The following AKAP12 variants were observed in gnomAD, a reference collection of about 807,000 sequenced individuals.
AKAP12 encodes A-kinase anchoring protein 12.
A neutral mutation model predicts 79.9 loss-of-function variants in AKAP12; 32 were observed. That is an observed-to-expected ratio of 0.40 (90% confidence interval 0.30 to 0.54). The LOEUF (loss-of-function observed/expected upper bound fraction) is 0.54, where lower values mean the gene tolerates loss of function less well. Ranked by LOEUF, AKAP12 falls within the 20% of genes least tolerant of loss-of-function variation. The pLI is 0.48. For missense variants in AKAP12, 2,074 were observed against 2,177.0 expected (o/e 0.95, Z 0.94); for synonymous variants, 808 against 857.0 (o/e 0.94, Z 1.00).
rs55685824 is a variant in AKAP12 at position 151,312,793 on chromosome 6, C to CAAAAAAAAAAAAAAAAAAA, written c.319+6908_319+6909insAAAAAAAAAAAAAAAAAAA. ...GGCTACAAGAGGGAGACTCTGTCTC[C>CAAAAAAAAAAAAAAAAAAA]AAAAAAAAAAAAAAAAAAGAATCAT... On this transcript the variant is annotated intron_variant, in intron 3 of 4. Transcript: ENST00000402676. Among the ~76,000 whole-genome samples the CAAAAAAAAAAAAAAAAAAA allele has an allele frequency of 2.5e-3, 180 of 72,936 alleles. 4 individuals are homozygous for CAAAAAAAAAAAAAAAAAAA. The highest frequency in any genetic ancestry group is 0.01 in the Middle Eastern group (1 of 100). The allele number at this position is 72,936 out of a possible 152,430, so 47.8% of individuals were successfully genotyped here.
intron 2 of AKAP12, among the ~76,000 whole-genome samples, chr6:151,279,705 G>A (rs977481028): frequency 6.6e-6 from 1 of 151,786 alleles, no homozygotes; most frequent in African/African-American, 2.4e-5. Flanking sequence ...AAAAGCCGGC[G>A]AGGTGGCAGG....
At chr6:151,355,363 C>T (rs1195396746) in intron 4 of AKAP12, among the ~76,000 whole-genome samples, 1 of 151,696 alleles carries the variant, frequency 6.6e-6, no homozygotes, top group Non-Finnish European at 1.5e-5. Context: ...AGTGCAGTGG[C>T]ACAATCTCAG....
Position 151,332,784 on chromosome 6 carries a change from A to C in AKAP12, c.320-15927A>C, listed in dbSNP as rs909621579. 4.7e-4 allele frequency among the ~76,000 whole-genome samples: 72 copies of C among 152,274 alleles called. No individual in the cohort carries two copies. In the Middle Eastern group the frequency reaches 0.01, roughly 22 times the overall value. ...GGCTCCAGAGGCTTCTACGGGGGAC[A>C]CACCGACCACTCCCTTTAACATTTT... On this transcript the variant is annotated intron_variant, in intron 3 of 4. Coordinates refer to ENST00000402676, the MANE Select transcript of AKAP12 (RefSeq NM_005100.4).
chr6:151,344,275 G>A (rs1778026882), intron 3 of AKAP12, among the ~76,000 whole-genome samples: 1 of 152,184 alleles, frequency 6.6e-6, no homozygotes, highest in Non-Finnish European at 1.5e-5. Context: ...GAGCCTTGCT[G>A]ATTATCGAAG....
At chr6:151,280,038 GT>G (rs67349756) in intron 2 of AKAP12, among the ~76,000 whole-genome samples, 14,136 of 145,762 alleles carry the variant, frequency 0.097, 808 homozygotes, top group East Asian at 0.18. Context: ...TTCGGTTGTT[GT>G]TTTTTTTTTT....
chr6:151,240,501 G>A lies in AKAP12; in HGVS notation c.-62G>A. On this transcript the variant is annotated 5_prime_UTR_variant, in exon 2 of 5. Transcript: ENST00000402676. The stretch of plus-strand genomic sequence containing the variant: ...CGCGCGTCTTTTGGCTCTTGCCCCT[G>A]TCCCTGCGGCTTGGGGAAGGCGTAA... 1 of 1,366,306 alleles carries A rather than the reference G, an allele frequency of 7.3e-7. No homozygotes were observed. Among genetic ancestry groups the A allele is most frequent in the Non-Finnish European group, 9.4e-7 (1 of 1,066,152 alleles). 84.6% of individuals were successfully genotyped at this position (1,366,306 alleles called of 1,614,324 possible).
intron 3 of AKAP12, chr6:151,324,285 A>G: frequency 1.0e-6 from 1 of 985,348 alleles, no homozygotes; most frequent in Non-Finnish European, 1.2e-6. Flanking sequence ...CAGGCCGGGT[A>G]TTTGCCAGGA....
At chr6:151,240,278 AGGGCGTGTCTGGGGCTGT>A in intron 1 of AKAP12, 88 bp from the exon 2 acceptor site, 1 of 268,712 alleles carries the variant, frequency 3.7e-6, no homozygotes. Flanking sequence ...ATGCTGCTGC[AGGGCGTGTCTGGGGCTGT>A]GCTCATGTGA....
chr6:151,296,548 G>A (rs997913408), intron 2 of AKAP12, among the ~76,000 whole-genome samples: 2 of 152,202 alleles, frequency 1.3e-5, no homozygotes, highest in African/African-American at 4.8e-5. Context: ...AGGCTGAGGT[G>A]GGCGGATCAC....
At chr6:151,282,052 C>T (rs1457463347) in intron 2 of AKAP12, among the ~76,000 whole-genome samples, 4 of 151,462 alleles carry the variant, frequency 2.6e-5, no homozygotes, top group Non-Finnish European at 5.9e-5. Flanking sequence ...GTCCTCTTCC[C>T]CCTCCTGTTC....
intron 2 of AKAP12, among the ~76,000 whole-genome samples, chr6:151,251,385 C>G (rs533489039): frequency 6.6e-6 from 1 of 152,252 alleles, no homozygotes; most frequent in South Asian, 2.1e-4. Flanking sequence ...GGAAGTGTGA[C>G]TAGAAAGGGT....
In AKAP12 at chr6:151,262,613, A is replaced by G. The variant is rs368284082; in HGVS notation, c.162+21889A>G. ...TTCAAGTTCAAACACTTGAAGTTCA[A>G]AAACTTCAAGTTCAAACACTTCATT... On this transcript the variant is annotated intron_variant, in intron 2 of 4. Transcript: ENST00000402676. Among the ~76,000 whole-genome samples the G allele has an allele frequency of 3.5e-3, 393 of 112,542 alleles. 2 individuals are homozygous for G. Among genetic ancestry groups the G allele is most frequent in the African/African-American group, 0.013 (373 of 28,282 alleles). The allele number at this position is 112,542 out of a possible 152,430, so 73.8% of individuals were successfully genotyped here.
At chr6:151,353,950 A>G (rs1307502514) in intron 4 of AKAP12, among the ~76,000 whole-genome samples, 198 bp downstream of exon 4, 1 of 152,134 alleles carries the variant, frequency 6.6e-6, no homozygotes, top group Non-Finnish European at 1.5e-5. Context: ...AGTCTTATCG[A>G]TGTTATGAAA....
rs767241896 is a variant in AKAP12, at chr6:151,358,276, C to T, written c.*2562C>T. On this transcript the variant is annotated 3_prime_UTR_variant, in exon 5 of 5. Coordinates refer to ENST00000402676, the MANE Select transcript of AKAP12 (RefSeq NM_005100.4). Reference sequence around the variant, plus strand: ...AAGCAATGCAAGACTTGTAAACTCTCACCACTTCTTGTAATATCAAATGTT... The same window carrying T: ...AAGCAATGCAAGACTTGTAAACTCTTACCACTTCTTGTAATATCAAATGTT... 5.3e-5 allele frequency: 8 copies of T among 152,234 alleles called. No individual in the cohort carries two copies. The highest frequency in any genetic ancestry group is 1.2e-4 in the Non-Finnish European group (8 of 68,036). The allele number at this position is 152,234 out of a possible 1,614,324, so 9.4% of individuals were successfully genotyped here. A position where few individuals can be genotyped will look rare whatever the true frequency, so the allele number is the denominator to read the frequency against.
At chr6:151,297,450 G>A (rs1242770487) in intron 2 of AKAP12, among the ~76,000 whole-genome samples, 3 of 151,740 alleles carry the variant, frequency 2.0e-5, no homozygotes, top group Non-Finnish European at 4.4e-5. Flanking sequence ...GTGCGCACCT[G>A]TAATCCCAGC....
At chr6:151,348,680 T>TTGGGGGGCC in intron 3 of AKAP12, 31 bp from the exon 4 acceptor site, 2 of 355,200 alleles carry the variant, frequency 5.6e-6, no homozygotes, top group African/African-American at 2.4e-5. Flanking sequence ...TTTTCTCTTC[T>TTGGGGGGCC]CCCCACCCCC....
chr6:151,350,244 C>T lies in AKAP12; in HGVS notation c.1853C>T (p.Thr618Met), dbSNP rs530508892. The T allele has an allele frequency of 7.9e-5, 127 of 1,613,786 alleles. 1 individual carries two copies. The highest frequency in any genetic ancestry group is 2.7e-4 in the South Asian group (25 of 91,052). Residue 618 changes from threonine (T) to methionine (M), a missense_variant, in exon 4 of 5, where the codon ACG (threonine) becomes ATG (methionine). Thr to Met is a moderately conservative substitution (Grantham distance 81, BLOSUM62 -1). This residue lies in a region of AKAP12 where 1,428 missense variants were observed against 1,451.0 expected (regional missense o/e 0.98). Coordinates refer to ENST00000402676, the MANE Select transcript of AKAP12 (RefSeq NM_005100.4). The surrounding 1 kb of genome is among the most constrained non-coding windows in gnomAD (Gnocchi z 4.8). The stretch of plus-strand genomic sequence containing the variant: ...TGGGCATCATTCAAAAAGATGGTGA[C>T]GCCCAAGAAGCGTGTTAGACGGCCT... ...TPWASFKKMV[T>M]PKKRVRRPSE...
chr6:151,346,635 G>A (rs1310071596), intron 3 of AKAP12, among the ~76,000 whole-genome samples: 1 of 152,212 alleles, frequency 6.6e-6, no homozygotes, highest in Non-Finnish European at 1.5e-5. Context: ...GATGTTAAAT[G>A]TGATCACTTG....
At chr6:151,254,438 G>A (rs983338864) in intron 2 of AKAP12, among the ~76,000 whole-genome samples, 4 of 151,740 alleles carry the variant, frequency 2.6e-5, no homozygotes, top group African/African-American at 4.8e-5. Context: ...TGCAACCTCC[G>A]CCTCCCAGGT....
Sources: allele counts gnomAD v4.1 joint callset (sites outside exome capture counted in the v4.1 genomes callset), GRCh38; gene constraint gnomAD v4.1.1; regional missense constraint gnomAD v4.1.1; non-coding constraint Gnocchi (gnomAD v3.1); transcripts MANE v1.5; gene names NCBI Gene and HGNC (gene_info 2026-07-23, HGNC 2026-07-21).